Variants in BBS5 observed in about 807,000 individuals in gnomAD.
The protein encoded by BBS5 is Bardet-Biedl syndrome 5, also known as BBSome complex member BBS5.
Under a neutral mutation model 50.2 loss-of-function variants are expected in BBS5, and 39 were observed. That is an observed-to-expected ratio of 0.78 (90% CI 0.60 to 1.01). The LOEUF (loss-of-function observed/expected upper bound fraction) is 1.01, where lower values mean the gene tolerates loss of function less well. Among genes scored for constraint, BBS5 ranks in the 50% least tolerant of loss-of-function variants. The pLI, the probability that BBS5 is intolerant of heterozygous loss-of-function variation, is 0.00. For missense variants in BBS5, 356 were observed against 401.5 expected, an observed-to-expected ratio of 0.89 and a Z score of 0.97; for synonymous variants, 134 against 133.1, an observed-to-expected ratio of 1.01 and a Z score of -0.05.
chr2:169,484,758 G>A (rs931084216), intron 2 of BBS5, among the ~76,000 whole-genome samples: 12 of 152,114 alleles, frequency 7.9e-5, no homozygotes, highest in African/African-American at 2.9e-4. Flanking sequence ...TATAACCAAT[G>A]TATCTATAAT....
In BBS5 at chr2:169,499,068, TC is replaced by T. The variant is rs139201473; in HGVS notation, c.682-416del. The T allele has an allele frequency of 7.3e-3, 1,341 of 184,420 alleles. 26 individuals carry two copies. Among genetic ancestry groups the T allele is most frequent in the African/African-American group, 0.03 (1,257 of 41,802 alleles). The allele number at this position is 184,420 out of a possible 1,614,324, so 11.4% of individuals were successfully genotyped here. A position where few individuals can be genotyped will look rare whatever the true frequency, so the allele number is the denominator to read the frequency against. ...CCTTTCTTCTTTTCGTGTAGTCTGTTCCTTTTCAAGGCCTAGTTCAAGAAAA... is the reference window on the plus strand; with the variant it reads ...CCTTTCTTCTTTTCGTGTAGTCTGTTCTTTTCAAGGCCTAGTTCAAGAAAA... On this transcript the variant is annotated intron_variant, in intron 8 of 11. Transcript: ENST00000295240.
chr2:169,481,034 C>T (rs1683382989), intron 1 of BBS5, among the ~76,000 whole-genome samples: 1 of 152,154 alleles, frequency 6.6e-6, no homozygotes, highest in Admixed American at 6.5e-5. Context: ...GTTTCAGTAA[C>T]ATTAGTAAAC....
Position 169,486,363 on chromosome 2 carries a change from A to G in BBS5, c.143-706A>G, listed in dbSNP as rs551303252. Among the ~76,000 whole-genome samples, 3 of 152,342 alleles carry G rather than the reference A, an allele frequency of 2.0e-5. No individual in the cohort carries two copies. In the South Asian group the frequency reaches 6.2e-4, roughly 32 times the overall value. On this transcript the variant is annotated intron_variant, in intron 2 of 11. Coordinates refer to ENST00000295240, the MANE Select transcript of BBS5 (RefSeq NM_152384.3). Reference sequence around the variant, plus strand: ...TGATAATATGCTGATTGTATTGTACATCTCTAATACACCTAGTATACCATT... The same window carrying G: ...TGATAATATGCTGATTGTATTGTACGTCTCTAATACACCTAGTATACCATT...
At chr2:169,481,696 A>G (rs1683399562) in intron 1 of BBS5, among the ~76,000 whole-genome samples, 1 of 150,908 alleles carries the variant, frequency 6.6e-6, no homozygotes, top group Non-Finnish European at 1.5e-5. Context: ...TGTCACCTGT[A>G]TCTATTTGTC....
rs536255979 is a variant in BBS5, at chr2:169,502,634, C to T, written c.817-461C>T. On this transcript the variant is annotated intron_variant, in intron 9 of 11. Transcript: ENST00000295240. ...TAATATAACAAAGGGGATATTCAAACATTTGAAAAATGAACAAATAAATAA... is the reference window on the plus strand; with the variant it reads ...TAATATAACAAAGGGGATATTCAAATATTTGAAAAATGAACAAATAAATAA... Among the ~76,000 whole-genome samples the T allele has an allele frequency of 6.6e-5, 10 of 152,234 alleles. No individual in the cohort carries two copies. The South Asian group carries it at 2.1e-3, about 32-fold the overall frequency.
At position 169,486,384 on chromosome 2, in the gene BBS5, C is replaced by T. The variant is rs988329516; in HGVS notation, c.143-685C>T. 2.0e-5 allele frequency among the ~76,000 whole-genome samples: 3 copies of T among 152,212 alleles called. No individual in the cohort carries two copies. In the East Asian group the frequency reaches 5.8e-4, roughly 29 times the overall value. On this transcript the variant is annotated intron_variant, in intron 2 of 11. Transcript: ENST00000295240. ...GTACATCTCTAATACACCTAGTATA[C>T]CATTCTCAAATTTATTGTTTTTTTC...
chr2:169,490,341 C>A (rs574200135), intron 5 of BBS5, among the ~76,000 whole-genome samples: 27 of 151,844 alleles, frequency 1.8e-4, no homozygotes, highest in African/African-American at 6.5e-4. Context: ...CTACAGGCGC[C>A]TGCCACCACG....
chr2:169,480,509 T>C (rs934013471), intron 1 of BBS5, among the ~76,000 whole-genome samples: 1 of 152,030 alleles, frequency 6.6e-6, no homozygotes, highest in Admixed American at 6.6e-5. Flanking sequence ...CTCACCTCCT[T>C]AGATGGAAAA....
At chr2:169,479,678 C>CCCGCGGGCGGAGACTGCACCT in intron 1 of BBS5, 66 bp downstream of exon 1, 1 of 1,571,570 alleles carries the variant, frequency 6.4e-7, no homozygotes, top group South Asian at 1.1e-5. Context: ...GCGTTAGGGA[C>CCCGCGGGCGGAGACTGCACCT]CCGCGGGCGG....
intron 8 of BBS5, among the ~76,000 whole-genome samples, chr2:169,498,540 G>C (rs182627874): frequency 3.9e-5 from 6 of 152,032 alleles, no homozygotes; most frequent in Admixed American, 2.6e-4. Flanking sequence ...TAAGGAGGCC[G>C]GGCGCAGTGG....
At chr2:169,502,014 C>T (rs1379898318) in intron 9 of BBS5, among the ~76,000 whole-genome samples, 3 of 152,106 alleles carry the variant, frequency 2.0e-5, no homozygotes, top group African/African-American at 7.2e-5. Flanking sequence ...AACAGCAACT[C>T]CCATCACTTT....
At chr2:169,479,649 G>A in intron 1 of BBS5, 37 bp downstream of exon 1, 1 of 1,612,234 alleles carries the variant, frequency 6.2e-7, no homozygotes, top group Non-Finnish European at 8.5e-7. Context: ...CTTCAACCCT[G>A]TAGAGGGCGC....
chr2:169,504,271 G>T, intron 10 of BBS5, 32 bp from the exon 11 acceptor site: 1 of 1,604,808 alleles, frequency 6.2e-7, no homozygotes, highest in South Asian at 1.1e-5. Flanking sequence ...TATATGTCCA[G>T]TTTGTGAAAT....
At chr2:169,499,278 A>T (rs1419660063) in intron 8 of BBS5, 4 of 522,632 alleles carry the variant, frequency 7.7e-6, no homozygotes, top group Non-Finnish European at 1.4e-5. Context: ...CTGCTTCTTG[A>T]AGCTGGATGA....
intron 7 of BBS5, among the ~76,000 whole-genome samples, chr2:169,496,643 G>A: frequency 6.6e-6 from 1 of 152,046 alleles, no homozygotes; most frequent in East Asian, 1.9e-4. Context: ...GCCGAGGCGG[G>A]CGGATCACAA....
chr2:169,483,875 AATCC>A (rs1683443904), intron 2 of BBS5, among the ~76,000 whole-genome samples: 1 of 152,200 alleles, frequency 6.6e-6, no homozygotes, highest in Non-Finnish European at 1.5e-5. Flanking sequence ...GTGGAATAAT[AATCC>A]CAACTATCAA....
At position 169,492,957 on chromosome 2, in the gene BBS5, A is replaced by G. The variant is rs908072036; in HGVS notation, c.470A>G (p.Gln157Arg). 2 of 1,613,638 alleles carry G rather than the reference A, an allele frequency of 1.2e-6. No homozygotes were observed. The highest frequency in any genetic ancestry group is 1.7e-6 in the Non-Finnish European group (2 of 1,179,704). Residue 157 changes from glutamine to arginine, a missense_variant, in exon 6 of 12, where the codon CAA (glutamine) becomes CGA (arginine). Gln to Arg is a conservative substitution (Grantham distance 43). Transcript: ENST00000295240. ...IQNKQLRLLP[Q>R]EHVYDKINGV... The stretch of plus-strand genomic sequence containing the variant: ...AACAAGCAACTAAGACTGTTGCCAC[A>G]AGAACATGTATATGATAAAATAAAT...
At chr2:169,488,159 T>C in intron 5 of BBS5, 45 bp downstream of exon 5, 1 of 1,597,622 alleles carries the variant, frequency 6.3e-7, no homozygotes, top group Non-Finnish European at 8.6e-7. Context: ...TTGTTTACTC[T>C]ATGGTTTTAG....
chr2:169,497,369 A>G (rs1173391606), intron 7 of BBS5, among the ~76,000 whole-genome samples: 1 of 152,196 alleles, frequency 6.6e-6, no homozygotes, highest in East Asian at 1.9e-4. Flanking sequence ...GGAAGTGAGA[A>G]ATATTTGAGT....
Sources: gnomAD v4.1 joint callset for allele counts (sites outside exome capture counted in the v4.1 genomes callset) on GRCh38, gnomAD v4.1.1 for gene constraint, MANE v1.5 for transcripts, NCBI Gene and HGNC (gene_info 2026-07-23, HGNC 2026-07-21) for gene names.